The following RHPN1 variants were observed in gnomAD, a reference collection of about 807,000 sequenced individuals.
RHPN1 encodes rhophilin Rho GTPase binding protein 1, also known as rhophilin-1.
RHPN1 carries 77 observed loss-of-function variants against 74.7 expected under a neutral mutation model. The ratio of observed to expected loss-of-function variants is 1.03; its 90% CI spans 0.86 to 1.25. RHPN1 has a LOEUF of 1.25. Among genes scored for constraint, RHPN1 ranks in the 50% most tolerant of loss-of-function variants. The probability of loss-of-function intolerance (pLI) is 0.00; values close to 1 mark genes in which losing one functional copy is unlikely to be tolerated. For missense variants in RHPN1, 987 were observed against 932.2 expected (o/e 1.06, Z -0.77); for synonymous variants, 444 against 414.5 (o/e 1.07, Z -0.87).
At position 143,378,298 on chromosome 8, in the gene RHPN1, C is replaced by T. The variant is rs761789187; in HGVS notation, c.411C>T (p.Asp137=). Residue 137 remains aspartate (D), a synonymous_variant, in exon 5 of 15, where the codon GAC becomes GAT. Transcript: ENST00000289013. ...KELISVHFGE[D]GASYEAEIRE... is the part of the protein sequence containing the mutation. ...TGATCTCAGTGCACTTTGGAGAGGACGGCGCCTCCTACGAGGCAGAAATCA... is the reference window on the plus strand; with the variant it reads ...TGATCTCAGTGCACTTTGGAGAGGATGGCGCCTCCTACGAGGCAGAAATCA... 1.5e-5 allele frequency: 23 copies of T among 1,574,780 alleles called. No homozygotes were observed. The highest frequency in any genetic ancestry group is 2.7e-5 in the African/African-American group (2 of 73,858).
In RHPN1 at chr8:143,378,836, G is replaced by C. The variant is rs538749003; in HGVS notation, c.584+16G>C. On this transcript the variant is annotated intron_variant, in intron 6 of 14. Coordinates refer to ENST00000289013, the MANE Select transcript of RHPN1 (RefSeq NM_052924.3). ...TCTTCCACTGGTAGGGGCTCTGCGG[G>C]CGGAGGCACCCTGGGGAGGGGAGGC... 6 of 1,565,248 alleles carry C rather than the reference G, an allele frequency of 3.8e-6. No homozygotes were observed. The Middle Eastern group carries it at 5.0e-4, about 130-fold the overall frequency.
chr8:143,380,547 C>T (rs890876885), intron 10 of RHPN1, 42 bp from the exon 11 acceptor site: 32 of 1,429,524 alleles, frequency 2.2e-5, no homozygotes, highest in South Asian at 4.4e-5. Flanking sequence ...CCAGGGCCCA[C>T]GGGCCCACAT....
chr8:143,367,158 G>A (rs968424915), upstream of RHPN1: 1 of 152,196 alleles, frequency 6.6e-6, no homozygotes, highest in African/African-American at 2.4e-5. Context: ...AGGGCTCCCA[G>A]GGAGCAGACA....
At chr8:143,372,081 C>A (rs1327230761) in intron 1 of RHPN1, among the ~76,000 whole-genome samples, 1 of 152,174 alleles carries the variant, frequency 6.6e-6, no homozygotes, top group Non-Finnish European at 1.5e-5. Flanking sequence ...GCCTGTGGGG[C>A]TCCAAGGGGC....
intron 12 of RHPN1, 93 bp from the exon 13 acceptor site, chr8:143,381,479 C>T: frequency 1.3e-6 from 2 of 1,492,962 alleles, no homozygotes; most frequent in Non-Finnish European, 1.8e-6. Flanking sequence ...CCCACGGTGT[C>T]CCTCGGTGCA....
chr8:143,376,365 C>T (rs896522944), intron 2 of RHPN1, among the ~76,000 whole-genome samples, 160 bp from the exon 3 acceptor site: 2 of 152,240 alleles, frequency 1.3e-5, no homozygotes, highest in Non-Finnish European at 2.9e-5. Flanking sequence ...GATCCCACTG[C>T]TGCCCCTGCC....
At position 143,375,688 on chromosome 8, in the gene RHPN1, C is replaced by T. The variant is rs565483144; in HGVS notation, c.176+20C>T. On this transcript the variant is annotated intron_variant, in intron 2 of 14. Coordinates refer to ENST00000289013, the MANE Select transcript of RHPN1 (RefSeq NM_052924.3). ...CTACAGGTCAGTGCTTGAGACTGCCCGGCCCCGGGAGCAGGGCCCACCTGG... is the reference window on the plus strand; with the variant it reads ...CTACAGGTCAGTGCTTGAGACTGCCTGGCCCCGGGAGCAGGGCCCACCTGG... 29 of 1,574,332 alleles carry T rather than the reference C, an allele frequency of 1.8e-5. No individual in the cohort carries two copies. In the Admixed American group the frequency reaches 2.9e-4, roughly 16 times the overall value.
In RHPN1 at chr8:143,378,703, G is replaced by A. The variant is rs201743964; in HGVS notation, c.467G>A (p.Arg156Gln). 1.3e-4 allele frequency: 213 copies of A among 1,595,152 alleles called. 1 individual carries two copies. The African/African-American group carries it at 2.2e-3, about 17-fold the overall frequency. The change falls in exon 6 of 15, where the codon CGG becomes CAG. Residue 156 changes from arginine to glutamine, a missense_variant. Coordinates refer to ENST00000289013, the MANE Select transcript of RHPN1 (RefSeq NM_052924.3). ...RELEALRQAM[R>Q]TPSRNESGLE... ...GTGGCTCCTGCCCTGCAGGCCATGC[G>A]GACCCCCAGCCGGAATGAGTCGGGC...
rs72703712 is a variant in RHPN1 at position 143,375,508 on chromosome 8, G to C, written c.61-45G>C. On this transcript the variant is annotated intron_variant, in intron 1 of 14. Coordinates refer to ENST00000289013, the MANE Select transcript of RHPN1 (RefSeq NM_052924.3). ...TGGCTGGCGAGGCGCAGCCTGGTGC[G>C]GGCGCCACGGGGTCGGGCTGTGATC... 20 of 1,386,200 alleles carry C rather than the reference G, an allele frequency of 1.4e-5. 1 individual carries two copies. The highest frequency in any genetic ancestry group is 2.0e-5 in the Non-Finnish European group (20 of 1,022,518). The allele number at this position is 1,386,200 out of a possible 1,614,324, so 85.9% of individuals were successfully genotyped here.
rs746173241 is a variant in RHPN1 at position 143,379,810 on chromosome 8, C to A, written c.946-19C>A. The A allele has an allele frequency of 6.2e-7, 1 of 1,601,004 alleles. No individual in the cohort carries two copies. The highest frequency in any genetic ancestry group is 8.5e-7 in the Non-Finnish European group (1 of 1,173,532). ...TGGAGAGTGGGAGGCCCTCGCGTGCCTGCCACATCCACCGGCAGGTGGCAG... is the reference window on the plus strand; with the variant it reads ...TGGAGAGTGGGAGGCCCTCGCGTGCATGCCACATCCACCGGCAGGTGGCAG... On this transcript the variant is annotated intron_variant, in intron 8 of 14. Transcript: ENST00000289013.
chr8:143,374,260 C>T (rs1485762949), intron 1 of RHPN1: 5 of 985,444 alleles, frequency 5.1e-6, no homozygotes, highest in East Asian at 1.1e-4. Context: ...TGCGTGTGCA[C>T]GTTGGCCCCA....
Position 143,382,536 on chromosome 8 carries a change from C to T in RHPN1, c.1898C>T (p.Pro633Leu). The change falls in exon 15 of 15, where the codon CCC (proline) becomes CTC (leucine). Residue 633 changes from proline to leucine, a missense_variant. By Grantham distance (98) the Pro-to-Leu change is moderately conservative. Transcript: ENST00000289013. ...TPASTWASPR[P>L]LLNWSRKAQQ... ...GCATCCACGTGGGCCAGTCCCCGGC[C>T]CCTCCTCAACTGGAGCCGAAAGGCC... 1 of 1,611,376 alleles carries T rather than the reference C, an allele frequency of 6.2e-7. No individual in the cohort carries two copies.
chr8:143,381,389 G>A (rs1453179370), intron 12 of RHPN1, 45 bp downstream of exon 12: 3 of 1,554,516 alleles, frequency 1.9e-6, no homozygotes, highest in Non-Finnish European at 8.7e-7. Context: ...GGGCAGCTTG[G>A]GCTGTGTGGC....
At chr8:143,374,209 T>C in intron 1 of RHPN1, 1 of 985,414 alleles carries the variant, frequency 1.0e-6, no homozygotes, top group Non-Finnish European at 1.2e-6. Context: ...GAGACGTGTG[T>C]GCGTGGAGAG....
At chr8:143,377,506 AG>A in intron 4 of RHPN1, 51 bp downstream of exon 4, 1 of 1,395,272 alleles carries the variant, frequency 7.2e-7, no homozygotes, top group Admixed American at 1.8e-5. Flanking sequence ...CCTGGGACCA[AG>A]GGGGTCTTGG....
At chr8:143,365,166 G>A (rs369570180), upstream of RHPN1, among the ~76,000 whole-genome samples, 11 of 151,986 alleles carry the variant, frequency 7.2e-5, no homozygotes, top group African/African-American at 9.7e-5. Flanking sequence ...AAAAAATACC[G>A]ATGCGCATAA....
In RHPN1 at chr8:143,379,896, T is replaced by A. The variant is rs778875816; in HGVS notation, c.1013T>A (p.Val338Asp). 1 of 1,608,346 alleles carries A rather than the reference T, an allele frequency of 6.2e-7. No individual in the cohort carries two copies. The highest frequency in any genetic ancestry group is 8.5e-7 in the Non-Finnish European group (1 of 1,177,850). The change falls in exon 9 of 15, where the codon GTC (valine) becomes GAC (aspartate). Residue 338 changes from valine to aspartate, a missense_variant. By Grantham distance (152) the Val-to-Asp change is radical (BLOSUM62 -3). Coordinates refer to ENST00000289013, the MANE Select transcript of RHPN1 (RefSeq NM_052924.3). ...AQPPVHDYVPVSWTALVHVKA... is the reference protein window; with the variant it reads ...AQPPVHDYVPDSWTALVHVKA... Reference sequence around the variant, plus strand: ...CCACCCGTCCACGACTACGTGCCTGTCTCCTGGACTGCCCTGGTGCATGTC... The same window carrying A: ...CCACCCGTCCACGACTACGTGCCTGACTCCTGGACTGCCCTGGTGCATGTC...
intron 1 of RHPN1, among the ~76,000 whole-genome samples, chr8:143,375,117 G>A (rs1300849813): frequency 6.6e-6 from 1 of 152,202 alleles, no homozygotes; most frequent in Non-Finnish European, 1.5e-5. Context: ...TGGGTGAGTT[G>A]GATGGGAAAA....
In RHPN1 at chr8:143,379,847, C is replaced by A; in HGVS notation, c.964C>A (p.Leu322Ile). The A allele has an allele frequency of 1.9e-6, 3 of 1,610,402 alleles. No homozygotes were observed. The highest frequency in any genetic ancestry group is 2.5e-6 in the Non-Finnish European group (3 of 1,179,068). Residue 322 changes from leucine to isoleucine, a missense_variant, in exon 9 of 15, where the codon CTA (leucine) becomes ATA (isoleucine). By Grantham distance (5) the Leu-to-Ile change is conservative. Coordinates refer to ENST00000289013, the MANE Select transcript of RHPN1 (RefSeq NM_052924.3). ...EAAQVAAEYR[L>I]VHRTMAQPPV... ...CCGGCAGGTGGCAGCCGAGTACAGG[C>A]TAGTGCACCGGACCATGGCCCAGCC...
Sources: allele counts gnomAD v4.1 joint callset (sites outside exome capture counted in the v4.1 genomes callset), GRCh38; gene constraint gnomAD v4.1.1; transcripts MANE v1.5; gene names NCBI Gene and HGNC (gene_info 2026-07-23, HGNC 2026-07-21).